EPHA4: variants seen among roughly 807,000 people sequenced by gnomAD.
The protein encoded by EPHA4 is ephrin type-A receptor 4.
Under a neutral mutation model 108.3 loss-of-function variants are expected in EPHA4, and 19 were observed. That is an observed-to-expected ratio of 0.18 (90% confidence interval 0.12 to 0.26). EPHA4 has a LOEUF of 0.26. Ranked by LOEUF, EPHA4 falls within the 10% of genes least tolerant of loss-of-function variation. EPHA4 has a pLI of 1.00. For synonymous variants in EPHA4, 449 were observed against 455.5 expected (o/e 0.99, Z 0.18); for missense variants, 917 against 1,254.0 (o/e 0.73, Z 4.06).
chr2:221,566,362 C>T (rs1694626847), intron 2 of EPHA4, among the ~76,000 whole-genome samples: 1 of 152,092 alleles, frequency 6.6e-6, no homozygotes, highest in African/African-American at 2.4e-5. Flanking sequence ...GATCAAGACT[C>T]AATATGCTTT....
intron 3 of EPHA4, among the ~76,000 whole-genome samples, chr2:221,523,024 A>G (rs1319769214): frequency 6.6e-6 from 1 of 152,086 alleles, no homozygotes; most frequent in East Asian, 1.9e-4. Context: ...CGGCCTCCCA[A>G]AGTGCTGGGA....
At chr2:221,434,591 C>T (rs1009222961) in intron 13 of EPHA4, among the ~76,000 whole-genome samples, 5 of 152,194 alleles carry the variant, frequency 3.3e-5, no homozygotes, top group African/African-American at 1.2e-4. Flanking sequence ...TTACAAAATA[C>T]GTGTTATCTA....
intron 4 of EPHA4, 116 bp downstream of exon 4, chr2:221,500,901 G>A: frequency 2.7e-6 from 3 of 1,131,774 alleles, no homozygotes; most frequent in Non-Finnish European, 3.7e-6. Context: ...AAGGATGAAT[G>A]TTTGATCTCA....
intron 3 of EPHA4, among the ~76,000 whole-genome samples, chr2:221,508,872 A>G (rs1692717695): frequency 6.8e-6 from 1 of 147,622 alleles, no homozygotes; most frequent in Admixed American, 6.9e-5. Flanking sequence ...TCTCACATCA[A>G]TATTGTGAAC....
intron 3 of EPHA4, among the ~76,000 whole-genome samples, chr2:221,508,555 G>C (rs1692704795): frequency 6.6e-6 from 1 of 150,702 alleles, no homozygotes; most frequent in Admixed American, 6.6e-5. Flanking sequence ...CTCCAGCCTG[G>C]GCAACAGAGT....
At chr2:221,562,357 CT>C (rs1283262217) in intron 3 of EPHA4, among the ~76,000 whole-genome samples, 1 of 152,138 alleles carries the variant, frequency 6.6e-6, no homozygotes, top group Non-Finnish European at 1.5e-5. Context: ...CAAGTGTAAA[CT>C]ATGAATGGAG....
rs984150075 is a variant in EPHA4 at position 221,419,740 on chromosome 2, A to G, written c.*1632T>C. ...ATTAAGGTTAGTGTGACAGCTACAA[A>G]ATACACGTGTAGATACAGGATGCGT... is the stretch of plus-strand genomic sequence containing the variant. On this transcript the variant is annotated 3_prime_UTR_variant, in exon 18 of 18. Transcript: ENST00000281821. 1 of 152,546 alleles carries G rather than the reference A, an allele frequency of 6.6e-6. No individual in the cohort carries two copies. The highest frequency in any genetic ancestry group is 6.5e-5 in the Admixed American group (1 of 15,280). 9.4% of individuals were successfully genotyped at this position (152,546 alleles called of 1,614,324 possible). A position where few individuals can be genotyped will look rare whatever the true frequency, so the allele number is the denominator to read the frequency against.
chr2:221,560,683 T>C (rs1282269159), intron 3 of EPHA4, among the ~76,000 whole-genome samples: 1 of 152,162 alleles, frequency 6.6e-6, no homozygotes, highest in Admixed American at 6.5e-5. Flanking sequence ...TTACCAATCT[T>C]ACAACCCCAA....
intron 15 of EPHA4, among the ~76,000 whole-genome samples, 143 bp downstream of exon 15, chr2:221,429,802 CCTGAAATACTCTA>C (rs1690017472): frequency 6.6e-6 from 1 of 152,110 alleles, no homozygotes; most frequent in Non-Finnish European, 1.5e-5. Flanking sequence ...AATAGAACTA[CCTGAAATACTCTA>C]CTAATTGAGA....
At chr2:221,573,585 A>G (rs1040394834), upstream of EPHA4, 7 of 152,020 alleles carry the variant, frequency 4.6e-5, no homozygotes, top group Admixed American at 4.6e-4. The surrounding 1 kb of genome is among the most constrained non-coding windows in gnomAD (Gnocchi z 4.5). Context: ...CTCCCTCCAG[A>G]GCAGGGCCGA....
chr2:221,430,140 G>A lies in EPHA4; in HGVS notation c.2508C>T (p.Ala836=). ...WDMSNQDVIK[A]IEEGYRLPPP... The stretch of plus-strand genomic sequence containing the variant: ...GGGGTAACCGATAGCCTTCCTCAAT[G>A]GCTTTAATCACCTATGGAAGACAAC... Residue 836 remains alanine (A), a synonymous_variant, in exon 15 of 18, where the codon GCC becomes GCT. Transcript: ENST00000281821. 1 of 1,607,302 alleles carries A rather than the reference G, an allele frequency of 6.2e-7. No homozygotes were observed.
intron 5 of EPHA4, among the ~76,000 whole-genome samples, chr2:221,461,295 C>T (rs1023638252): frequency 3.9e-5 from 6 of 152,178 alleles, no homozygotes; most frequent in African/African-American, 1.4e-4. Context: ...TAAACAATGC[C>T]TAACCCAAAT....
chr2:221,514,006 C>A (rs11695845), intron 3 of EPHA4, among the ~76,000 whole-genome samples: 23,303 of 151,962 alleles, frequency 0.15, 2,304 homozygotes, highest in Middle Eastern at 0.24. Flanking sequence ...GGATAACAGA[C>A]GATGATCTTC....
intron 5 of EPHA4, among the ~76,000 whole-genome samples, chr2:221,476,502 G>T (rs1005083560): frequency 6.6e-6 from 1 of 152,216 alleles, no homozygotes; most frequent in African/African-American, 2.4e-5. Context: ...AAAGAAGTTT[G>T]TATGGACCCT....
intron 3 of EPHA4, among the ~76,000 whole-genome samples, chr2:221,505,583 CA>C (rs1692604506): frequency 6.6e-6 from 1 of 152,152 alleles, no homozygotes; most frequent in Admixed American, 6.5e-5. Flanking sequence ...CTCGGCCTCC[CA>C]AAGTGCCAGG....
At chr2:221,524,822 G>C (rs1018403757) in intron 3 of EPHA4, among the ~76,000 whole-genome samples, 1 of 152,074 alleles carries the variant, frequency 6.6e-6, no homozygotes, top group Non-Finnish European at 1.5e-5. Flanking sequence ...TGATGGCTAC[G>C]GCACGGCTAC....
At chr2:221,437,208 C>A in intron 11 of EPHA4, 86 bp from the exon 12 acceptor site, 2 of 929,102 alleles carry the variant, frequency 2.2e-6, no homozygotes, top group Non-Finnish European at 1.7e-6. Context: ...ATTTTACTGC[C>A]AAGATACCTG....
intron 5 of EPHA4, among the ~76,000 whole-genome samples, chr2:221,465,465 T>C (rs1014646626): frequency 1.3e-5 from 2 of 152,202 alleles, no homozygotes; most frequent in Admixed American, 1.3e-4. Context: ...CGTTAATTGT[T>C]TGCATAGGGA....
chr2:221,503,461 A>C (rs1004063079), intron 3 of EPHA4, among the ~76,000 whole-genome samples: 1 of 152,258 alleles, frequency 6.6e-6, no homozygotes, highest in African/African-American at 2.4e-5. Context: ...TGTTGCCTTC[A>C]ATTTCATTAA....
Sources: allele counts gnomAD v4.1 joint callset (sites outside exome capture counted in the v4.1 genomes callset), GRCh38; gene constraint gnomAD v4.1.1; non-coding constraint Gnocchi (gnomAD v3.1); transcripts MANE v1.5; gene names NCBI Gene and HGNC (gene_info 2026-07-23, HGNC 2026-07-21).